Variants in CLDN16 observed in about 807,000 individuals in gnomAD.
The protein encoded by CLDN16 is claudin-16.
CLDN16 carries 13 observed loss-of-function variants against 24.6 expected under a neutral mutation model. The observed-to-expected ratio is 0.53, with a 90% CI of 0.34 to 0.84. CLDN16 has a LOEUF of 0.84. Among genes scored for constraint, CLDN16 ranks in the 40% least tolerant of loss-of-function variants. The pLI is 0.01. For missense variants in CLDN16, 298 were observed against 292.7 expected, an observed-to-expected ratio of 1.02 and a Z score of -0.13; for synonymous variants, 116 against 106.7, an observed-to-expected ratio of 1.09 and a Z score of -0.54.
chr3:190,386,766 TA>T (rs2108657018), upstream of CLDN16, among the ~76,000 whole-genome samples: 2 of 152,336 alleles, frequency 1.3e-5, no homozygotes, highest in South Asian at 4.1e-4. Flanking sequence ...ATATTCCACC[TA>T]TGGTTTTCCA....
At chr3:190,379,320 A>T (rs1390146696) in intron 3 of CLDN16, among the ~76,000 whole-genome samples, 1 of 152,094 alleles carries the variant, frequency 6.6e-6, no homozygotes, top group Non-Finnish European at 1.5e-5. Context: ...GTCACCTTAG[A>T]AGGATCTCTT....
intron 1 of CLDN16, among the ~76,000 whole-genome samples, chr3:190,358,800 A>G (rs1021218602): frequency 1.3e-5 from 2 of 151,980 alleles, no homozygotes; most frequent in African/African-American, 4.8e-5. Context: ...ATTAAATCCA[A>G]TTCTGCTGCA....
exon 2 of CLDN16, chr3:190,370,930 G>C (rs1005775848): frequency 2.0e-5 from 3 of 151,320 alleles, no homozygotes; most frequent in Non-Finnish European, 2.9e-5. Context: ...CCAAGTTCTT[G>C]AGTTTTGGGA....
chr3:190,297,778 GA>G, the CLDN16 span, among the ~76,000 whole-genome samples: 20,813 of 133,962 alleles, frequency 0.16, 1,951 homozygotes, highest in East Asian at 0.47. Context: ...ATACATACCT[GA>G]AAAAAAAAAA....
upstream of CLDN16, among the ~76,000 whole-genome samples, chr3:190,387,299 C>T (rs1718526307): frequency 6.6e-6 from 1 of 151,932 alleles, no homozygotes. Context: ...TTCCAGTTGC[C>T]CCAGTTACAT....
At chr3:190,322,257 G>A (rs1198668060), upstream of CLDN16, 1 of 1,565,076 alleles carries the variant, frequency 6.4e-7, no homozygotes, top group African/African-American at 1.4e-5. Flanking sequence ...GCAGAAGGCG[G>A]AGAGTTTGCA....
At chr3:190,351,476 G>A (rs771300017) in intron 1 of CLDN16, among the ~76,000 whole-genome samples, 5 of 152,060 alleles carry the variant, frequency 3.3e-5, no homozygotes, top group Non-Finnish European at 7.4e-5. Context: ...CTGAGTCTCA[G>A]TTTTCTCATG....
intron 4 of CLDN16, among the ~76,000 whole-genome samples, chr3:190,409,075 A>G (rs977471742): frequency 2.0e-5 from 3 of 151,162 alleles, no homozygotes; most frequent in African/African-American, 7.3e-5. Flanking sequence ...CTTGGTAATA[A>G]TGTTTGAGTA....
rs771301899 is a variant in CLDN16, at chr3:190,388,292, T to G, written c.-38T>G. 1.1e-5 allele frequency: 17 copies of G among 1,613,962 alleles called. No homozygotes were observed. The highest frequency in any genetic ancestry group is 1.4e-5 in the Non-Finnish European group (17 of 1,180,008). The stretch of plus-strand genomic sequence containing the variant: ...CACTTAAGTGGGGCCAGGGCTGGTG[T>G]CTGCCCATGTTGCCATCCTGATGGG... On this transcript the variant is annotated 5_prime_UTR_variant, in exon 1 of 5. Coordinates refer to ENST00000264734, the MANE Select transcript of CLDN16 (RefSeq NM_006580.4).
At chr3:190,326,126 T>C (rs1717055426) in intron 1 of CLDN16, among the ~76,000 whole-genome samples, 1 of 152,216 alleles carries the variant, frequency 6.6e-6, no homozygotes, top group Non-Finnish European at 1.5e-5. Context: ...TTTTTTCTTC[T>C]TTTGAATGGC....
Position 190,354,435 on chromosome 3 carries a change from C to T in CLDN16, n.122-16458C>T, listed in dbSNP as rs142770833. Among the ~76,000 whole-genome samples the T allele has an allele frequency of 1.6e-3, 248 of 151,994 alleles. 2 individuals carry two copies. The highest frequency in any genetic ancestry group is 4.9e-3 in the African/African-American group (202 of 41,488). On this transcript the variant is annotated intron_variant and non_coding_transcript_variant, in intron 1 of 4. Transcript: ENST00000468220. The stretch of plus-strand genomic sequence containing the variant: ...ACATGATGGATTTCATTTTTAATTA[C>T]TTTATATAAAAAGGGATTTTGAAGA...
upstream of CLDN16, among the ~76,000 whole-genome samples, chr3:190,386,044 G>A (rs932300103): frequency 6.6e-6 from 1 of 152,114 alleles, no homozygotes; most frequent in African/African-American, 2.4e-5. Context: ...CTGTTAGCAG[G>A]TAAAGTACAC....
At chr3:190,341,801 T>C (rs1372271890) in intron 1 of CLDN16, among the ~76,000 whole-genome samples, 1 of 152,168 alleles carries the variant, frequency 6.6e-6, no homozygotes, top group East Asian at 1.9e-4. Context: ...TTAACAGCAC[T>C]CAAGTCACCT....
the CLDN16 span, among the ~76,000 whole-genome samples, chr3:190,296,331 GT>G: frequency 6.6e-6 from 1 of 152,086 alleles, no homozygotes; most frequent in East Asian, 1.9e-4. Flanking sequence ...AGAATAGAGT[GT>G]CATAGGTGGC....
the CLDN16 span, among the ~76,000 whole-genome samples, chr3:190,309,027 C>A: frequency 6.6e-6 from 1 of 152,040 alleles, no homozygotes; most frequent in Non-Finnish European, 1.5e-5. Flanking sequence ...TGATTATGGA[C>A]AATACGGAAG....
At chr3:190,351,074 T>C (rs1717662223) in intron 1 of CLDN16, among the ~76,000 whole-genome samples, 1 of 151,938 alleles carries the variant, frequency 6.6e-6, no homozygotes, top group African/African-American at 2.4e-5. Flanking sequence ...GGTAATTGAG[T>C]TCGTGGGAAA....
chr3:190,389,852 A>G (rs572788566), intron 1 of CLDN16, among the ~76,000 whole-genome samples: 3 of 152,350 alleles, frequency 2.0e-5, no homozygotes, highest in South Asian at 2.1e-4. Context: ...AATTATAATT[A>G]TGTTTTTTAA....
chr3:190,308,805 G>A, the CLDN16 span, among the ~76,000 whole-genome samples: 1 of 152,150 alleles, frequency 6.6e-6, no homozygotes, highest in Non-Finnish European at 1.5e-5. Context: ...TCACTAAGTA[G>A]TAATCATATT....
At chr3:190,307,710 G>C in the CLDN16 span, 1 of 152,642 alleles carries the variant, frequency 6.6e-6, no homozygotes, top group Non-Finnish European at 1.5e-5. Flanking sequence ...ATATGAAAAG[G>C]GCACGCATGA....
Sources: allele counts gnomAD v4.1 joint callset (sites outside exome capture counted in the v4.1 genomes callset), GRCh38; gene constraint gnomAD v4.1.1; transcripts MANE v1.5; gene names NCBI Gene and HGNC (gene_info 2026-07-23, HGNC 2026-07-21).